SYNRG: variants seen among roughly 807,000 people sequenced by gnomAD.
The protein encoded by SYNRG is AP1 gamma subunit binding protein 1.
Under a neutral mutation model 130.9 loss-of-function variants are expected in SYNRG, and 37 were observed. The observed-to-expected ratio is 0.28, with a 90% CI of 0.22 to 0.37. The LOEUF is 0.37. Among genes scored for constraint, SYNRG ranks in the 10% least tolerant of loss-of-function variants. The pLI, the probability that SYNRG is intolerant of heterozygous loss-of-function variation, is 1.00. For synonymous variants in SYNRG, 539 were observed against 568.1 expected (o/e 0.95, Z 0.73); for missense variants, 1,338 against 1,588.9 (o/e 0.84, Z 2.68).
intron 7 of SYNRG, 27 bp downstream of exon 7, chr17:37,577,353 T>G: frequency 6.2e-7 from 1 of 1,606,302 alleles, no homozygotes; most frequent in Non-Finnish European, 8.5e-7. Flanking sequence ...TTAAACAAGT[T>G]TTTTGCTGAA....
intron 19 of SYNRG, among the ~76,000 whole-genome samples, chr17:37,524,006 G>A (rs976315245): frequency 3.3e-5 from 5 of 152,314 alleles, no homozygotes; most frequent in Admixed American, 1.3e-4. Flanking sequence ...GTTCGATGTC[G>A]GGGCTCGAGA....
intron 19 of SYNRG, among the ~76,000 whole-genome samples, chr17:37,525,553 G>A (rs1033450733): frequency 2.6e-5 from 4 of 152,168 alleles, no homozygotes; most frequent in African/African-American, 7.2e-5. Flanking sequence ...CACGTAAGCC[G>A]GGAGTATGGT....
intron 3 of SYNRG, 120 bp downstream of exon 3, chr17:37,596,103 G>A (rs1256046392): frequency 8.6e-7 from 1 of 1,168,714 alleles, no homozygotes; most frequent in East Asian, 2.5e-5. Context: ...TAGTTTGAAG[G>A]AAGCCATTTA....
chr17:37,564,125 G>A (rs966442461), intron 11 of SYNRG, among the ~76,000 whole-genome samples: 3 of 152,138 alleles, frequency 2.0e-5, no homozygotes, highest in Non-Finnish European at 2.9e-5. Context: ...GGGATTACAG[G>A]TGTGAGCCAC....
At chr17:37,600,599 T>A in intron 1 of SYNRG, 196 bp from the exon 2 acceptor site, 2 of 702,492 alleles carry the variant, frequency 2.8e-6, no homozygotes, top group South Asian at 3.1e-5. Context: ...GACGGAAACT[T>A]GTTGAAACAA....
chr17:37,585,965 A>C (rs1362354286), intron 4 of SYNRG, among the ~76,000 whole-genome samples: 1 of 152,134 alleles, frequency 6.6e-6, no homozygotes, highest in Non-Finnish European at 1.5e-5. Context: ...TTTTGACTCT[A>C]AACTTATAAT....
chr17:37,578,669 T>C (rs1352078526), intron 6 of SYNRG, among the ~76,000 whole-genome samples: 1 of 152,208 alleles, frequency 6.6e-6, no homozygotes, highest in East Asian at 1.9e-4. Context: ...AGCCAGGATG[T>C]GTAGCTGTCT....
chr17:37,516,976 T>C lies in SYNRG; in HGVS notation c.*1964A>G, dbSNP rs2054473843. The C allele has an allele frequency of 6.6e-6, 1 of 152,222 alleles. No individual in the cohort carries two copies. The allele number at this position is 152,222 out of a possible 1,614,324, so 9.4% of individuals were successfully genotyped here. On this transcript the variant is annotated 3_prime_UTR_variant, in exon 22 of 22. Coordinates refer to ENST00000612223, the MANE Select transcript of SYNRG (RefSeq NM_007247.6). The stretch of plus-strand genomic sequence containing the variant: ...GGCTCACGCCTGTAATCCCGGTACT[T>C]TGGGAGGCTGAGGCGGGCGGATCGC...
chr17:37,569,046 T>G (rs2060210627), intron 10 of SYNRG, 122 bp from the exon 11 acceptor site: 2 of 1,008,436 alleles, frequency 2.0e-6, no homozygotes, highest in African/African-American at 1.6e-5. Context: ...TTAACTCAAG[T>G]GCTTACGGCA....
At chr17:37,597,698 C>T (rs1165800890) in intron 2 of SYNRG, among the ~76,000 whole-genome samples, 1 of 152,180 alleles carries the variant, frequency 6.6e-6, no homozygotes, top group Non-Finnish European at 1.5e-5. Flanking sequence ...TTTCCAAGAG[C>T]AGAGGTGAAT....
intron 3 of SYNRG, 41 bp from the exon 4 acceptor site, chr17:37,586,590 C>A (rs776533724): frequency 6.2e-7 from 1 of 1,605,246 alleles, no homozygotes; most frequent in East Asian, 2.2e-5. Flanking sequence ...ACAATTTATC[C>A]CTTTAATTAT....
At chr17:37,522,307 T>A (rs1395377692) in intron 19 of SYNRG, among the ~76,000 whole-genome samples, 2 of 151,656 alleles carry the variant, frequency 1.3e-5, no homozygotes, top group African/African-American at 4.8e-5. Flanking sequence ...GGGCCACATG[T>A]GCATGCCACC....
rs2143447861 is a variant in SYNRG at position 37,518,529 on chromosome 17, AC to A, written c.*410del. 5.9e-6 allele frequency: 1 copy of A among 168,868 alleles called. No homozygotes were observed. Among genetic ancestry groups the A allele is most frequent in the East Asian group, 1.7e-4 (1 of 5,906 alleles). 10.5% of individuals were successfully genotyped at this position (168,868 alleles called of 1,614,324 possible). A position where few individuals can be genotyped will look rare whatever the true frequency, so the allele number is the denominator to read the frequency against. ...AACTAAATGCAGATAAATGTATTCTACTTCACAGGACAGTAAGTGTCCTAGA... is the reference window on the plus strand; with the variant it reads ...AACTAAATGCAGATAAATGTATTCTATTCACAGGACAGTAAGTGTCCTAGA... On this transcript the variant is annotated 3_prime_UTR_variant, in exon 22 of 22. Transcript: ENST00000612223.
chr17:37,582,650 C>T (rs948141308), intron 6 of SYNRG, among the ~76,000 whole-genome samples: 1 of 152,090 alleles, frequency 6.6e-6, no homozygotes, highest in African/African-American at 2.4e-5. Flanking sequence ...TGCTTGAGCC[C>T]AGGAGTTTGA....
intron 8 of SYNRG, among the ~76,000 whole-genome samples, chr17:37,573,421 A>AC (rs1568441362): frequency 6.6e-6 from 1 of 152,126 alleles, no homozygotes; most frequent in Non-Finnish European, 1.5e-5. Context: ...AAACAAACAA[A>AC]AAAAACCATA....
chr17:37,538,171 C>T (rs923064659), intron 18 of SYNRG, among the ~76,000 whole-genome samples, 153 bp downstream of exon 18: 3 of 152,194 alleles, frequency 2.0e-5, no homozygotes, highest in Non-Finnish European at 4.4e-5. Flanking sequence ...CAATAGTTTA[C>T]TGCCTGTAGC....
chr17:37,594,088 T>C (rs2062462833), intron 3 of SYNRG, among the ~76,000 whole-genome samples: 1 of 151,276 alleles, frequency 6.6e-6, no homozygotes, highest in South Asian at 2.1e-4. Flanking sequence ...TTACTGTTTT[T>C]GGTTGTTTCA....
At chr17:37,547,391 T>C (rs919017382) in intron 14 of SYNRG, among the ~76,000 whole-genome samples, 3 of 152,002 alleles carry the variant, frequency 2.0e-5, no homozygotes, top group African/African-American at 7.2e-5. Flanking sequence ...GGCCTTTTGG[T>C]TCTTTGCATT....
At chr17:37,520,714 T>A in intron 19 of SYNRG, 66 bp from the exon 20 acceptor site, 1 of 1,336,198 alleles carries the variant, frequency 7.5e-7, no homozygotes, top group Admixed American at 1.7e-5. Context: ...CTTCACTCCC[T>A]CATCACTCAC....
Sources: allele counts gnomAD v4.1 joint callset (sites outside exome capture counted in the v4.1 genomes callset), GRCh38; gene constraint gnomAD v4.1.1; transcripts MANE v1.5; gene names NCBI Gene and HGNC (gene_info 2026-07-23, HGNC 2026-07-21).